Variants in DTNA observed in about 807,000 individuals in gnomAD.
The protein encoded by DTNA is dystrobrevin alpha.
DTNA carries 43 observed loss-of-function variants against 100.7 expected under a neutral mutation model. The observed-to-expected ratio is 0.43, with a 90% confidence interval of 0.33 to 0.55. DTNA has a LOEUF of 0.55. Ranked by LOEUF, DTNA falls within the 20% of genes least tolerant of loss-of-function variation. The pLI is 0.04. For synonymous variants in DTNA, 349 were observed against 347.9 expected, an observed-to-expected ratio of 1.00 and a Z score of -0.04; for missense variants, 798 against 953.9, an observed-to-expected ratio of 0.84 and a Z score of 2.15.
intron 3 of DTNA, among the ~76,000 whole-genome samples, chr18:34,784,277 A>G (rs1324392912): frequency 1.3e-5 from 2 of 152,252 alleles, no homozygotes; most frequent in African/African-American, 4.8e-5. Context: ...AAACAAAGAT[A>G]TTCCCTCATT....
At chr18:34,600,120 C>G (rs1010303399) in intron 1 of DTNA, among the ~76,000 whole-genome samples, 1 of 152,050 alleles carries the variant, frequency 6.6e-6, no homozygotes, top group African/African-American at 2.4e-5. Flanking sequence ...TCTTGAGATT[C>G]TTAAAAAATC....
At chr18:34,848,255 T>G (rs371536295) in intron 13 of DTNA, 41 bp from the exon 14 acceptor site, 119 of 1,595,524 alleles carry the variant, frequency 7.5e-5, no homozygotes, top group Non-Finnish European at 7.6e-5. Flanking sequence ...GCAATCTTTC[T>G]CAGTTGCCTA....
At chr18:34,765,573 A>G (rs770111627) in intron 2 of DTNA, among the ~76,000 whole-genome samples, 1 of 152,242 alleles carries the variant, frequency 6.6e-6, no homozygotes, top group Non-Finnish European at 1.5e-5. Flanking sequence ...TAACAGCCAC[A>G]TTCTAATGAC....
At chr18:34,528,894 A>C (rs1035566171) in intron 1 of DTNA, among the ~76,000 whole-genome samples, 2 of 151,904 alleles carry the variant, frequency 1.3e-5, no homozygotes, top group African/African-American at 4.8e-5. Context: ...TTCCAACCCT[A>C]CTCACTCACC....
intron 1 of DTNA, among the ~76,000 whole-genome samples, chr18:34,585,052 T>C (rs1320212937): frequency 6.6e-6 from 1 of 151,978 alleles, no homozygotes; most frequent in Admixed American, 6.6e-5. Flanking sequence ...TTTTCAAACA[T>C]TTAAGTTCTC....
At chr18:34,507,328 G>C (rs75345177) in intron 1 of DTNA, among the ~76,000 whole-genome samples, 3 of 152,162 alleles carry the variant, frequency 2.0e-5, no homozygotes, top group Non-Finnish European at 2.9e-5. Flanking sequence ...GGACCAGTAC[G>C]TGCATGGGAA....
At chr18:34,503,261 A>G (rs957913038) in intron 1 of DTNA, among the ~76,000 whole-genome samples, 1 of 147,982 alleles carries the variant, frequency 6.8e-6, no homozygotes, top group Non-Finnish European at 1.5e-5. Context: ...TTCCTTGTAG[A>G]TAAAATATAA....
At chr18:34,525,122 G>A (rs2042492202) in intron 1 of DTNA, among the ~76,000 whole-genome samples, 1 of 152,002 alleles carries the variant, frequency 6.6e-6, no homozygotes, top group Non-Finnish European at 1.5e-5. Flanking sequence ...ATTCATCTGG[G>A]GACTGAGATG....
chr18:34,642,621 C>T (rs761640034), intron 1 of DTNA, among the ~76,000 whole-genome samples: 20 of 151,822 alleles, frequency 1.3e-4, no homozygotes, highest in Non-Finnish European at 2.1e-4. Context: ...TGCAGTGGCG[C>T]GATCTCGGCT....
At chr18:34,597,046 C>T (rs1567978677) in intron 1 of DTNA, among the ~76,000 whole-genome samples, 1 of 152,078 alleles carries the variant, frequency 6.6e-6, no homozygotes, top group Non-Finnish European at 1.5e-5. Context: ...TGTTCCCCTC[C>T]CTGTGCCCAT....
chr18:34,668,060 T>A (rs1313171734), intron 1 of DTNA, among the ~76,000 whole-genome samples: 1 of 152,142 alleles, frequency 6.6e-6, no homozygotes, highest in Non-Finnish European at 1.5e-5. Flanking sequence ...GGTCCTGGAC[T>A]TTTTTTGGTT....
chr18:34,535,383 A>G (rs1312646344), intron 1 of DTNA, among the ~76,000 whole-genome samples: 1 of 151,686 alleles, frequency 6.6e-6, no homozygotes, highest in Non-Finnish European at 1.5e-5. Flanking sequence ...ATTCTGGATT[A>G]ATATCCAGAA....
intron 1 of DTNA, among the ~76,000 whole-genome samples, chr18:34,665,837 G>A (rs1261780024): frequency 6.6e-6 from 1 of 152,142 alleles, no homozygotes; most frequent in Non-Finnish European, 1.5e-5. Flanking sequence ...GGACATTTGG[G>A]TTGGTTCCAA....
intron 1 of DTNA, among the ~76,000 whole-genome samples, chr18:34,566,113 A>G (rs938432248): frequency 1.5e-4 from 23 of 152,212 alleles, no homozygotes; most frequent in Admixed American, 1.4e-3. Context: ...AGAAGAATGG[A>G]CAAGATTGCC....
At chr18:34,656,253 A>T (rs1051712346) in intron 1 of DTNA, among the ~76,000 whole-genome samples, 1 of 152,244 alleles carries the variant, frequency 6.6e-6, no homozygotes, top group Admixed American at 6.5e-5. Flanking sequence ...TTGCTAAACC[A>T]TAAGCACAGA....
At chr18:34,499,381 A>G (rs937498809) in intron 1 of DTNA, among the ~76,000 whole-genome samples, 3 of 152,170 alleles carry the variant, frequency 2.0e-5, no homozygotes, top group Admixed American at 6.5e-5. Context: ...TTAACCATTC[A>G]CCTATTGAAA....
At chr18:34,690,186 G>A (rs949671346) in intron 1 of DTNA, among the ~76,000 whole-genome samples, 1 of 152,134 alleles carries the variant, frequency 6.6e-6, no homozygotes, top group African/African-American at 2.4e-5. Flanking sequence ...AGGCACCACT[G>A]GGGTACAAAA....
chr18:34,764,565 G>A (rs2093369734), intron 2 of DTNA, among the ~76,000 whole-genome samples: 1 of 152,176 alleles, frequency 6.6e-6, no homozygotes. Context: ...AAGAGTGACC[G>A]TTTAATGATC....
At chr18:34,764,472 T>C (rs1433019985) in intron 2 of DTNA, among the ~76,000 whole-genome samples, 1 of 152,224 alleles carries the variant, frequency 6.6e-6, no homozygotes, top group Non-Finnish European at 1.5e-5. Flanking sequence ...AATTCCTGCA[T>C]TGGGTGAGGG....
Sources: allele counts gnomAD v4.1 joint callset (sites outside exome capture counted in the v4.1 genomes callset), GRCh38; gene constraint gnomAD v4.1.1; transcripts MANE v1.5; gene names NCBI Gene and HGNC (gene_info 2026-07-23, HGNC 2026-07-21).